The following FYB1 variants were observed in gnomAD, a reference collection of about 807,000 sequenced individuals.
FYB1 encodes FYN-binding protein 1.
FYB1 carries 41 observed loss-of-function variants against 94.1 expected under a neutral mutation model. The observed-to-expected ratio is 0.44, with a 90% CI of 0.34 to 0.57. FYB1 has a LOEUF of 0.57. Ranked by LOEUF, FYB1 falls within the 20% of genes least tolerant of loss-of-function variation. The probability of loss-of-function intolerance (pLI) is 0.02; values close to 1 mark genes in which losing one functional copy is unlikely to be tolerated. For synonymous variants in FYB1, 367 were observed against 353.2 expected, an observed-to-expected ratio of 1.04 and a Z score of -0.44; for missense variants, 1,050 against 976.8, an observed-to-expected ratio of 1.07 and a Z score of -1.00.
chr5:39,231,556 A>T (rs534537801), intron 1 of FYB1, among the ~76,000 whole-genome samples: 1 of 152,310 alleles, frequency 6.6e-6, no homozygotes, highest in African/African-American at 2.4e-5. Context: ...TAAACAGCCC[A>T]GTCATAAGAA....
At chr5:39,267,094 T>C (rs1343654421) in intron 1 of FYB1, among the ~76,000 whole-genome samples, 1 of 152,150 alleles carries the variant, frequency 6.6e-6, no homozygotes, top group Non-Finnish European at 1.5e-5. Context: ...TTTACTCAAC[T>C]AGAAAACAGG....
intron 10 of FYB1, among the ~76,000 whole-genome samples, 197 bp from the exon 11 acceptor site, chr5:39,128,004 G>A (rs1019580585): frequency 6.6e-6 from 1 of 152,032 alleles, no homozygotes; most frequent in Non-Finnish European, 1.5e-5. Context: ...ACAAAATGAG[G>A]GCTAAGAGGC....
intron 3 of FYB1, among the ~76,000 whole-genome samples, chr5:39,145,038 TAA>T (rs1742521320): frequency 6.6e-6 from 1 of 152,154 alleles, no homozygotes; most frequent in Admixed American, 6.5e-5. Flanking sequence ...CAAAATAATA[TAA>T]GAGGCAAGTG....
chr5:39,243,577 T>A (rs1436108653), intron 1 of FYB1, among the ~76,000 whole-genome samples: 4 of 152,306 alleles, frequency 2.6e-5, no homozygotes, highest in African/African-American at 9.6e-5. Context: ...GGTGGCGTGA[T>A]GCCTCCAGCT....
intron 1 of FYB1, among the ~76,000 whole-genome samples, chr5:39,259,622 G>T (rs563234077): frequency 6.6e-6 from 1 of 152,188 alleles, no homozygotes; most frequent in Non-Finnish European, 1.5e-5. Flanking sequence ...AATCATCCAT[G>T]AAATATACAG....
intron 2 of FYB1, among the ~76,000 whole-genome samples, chr5:39,159,836 C>T (rs1262867152): frequency 6.6e-6 from 1 of 152,206 alleles, no homozygotes; most frequent in East Asian, 1.9e-4. Flanking sequence ...GAAACATTCA[C>T]TAAGCACTTA....
chr5:39,108,056 G>A (rs1738691355), intron 18 of FYB1, among the ~76,000 whole-genome samples, 175 bp downstream of exon 18: 1 of 151,710 alleles, frequency 6.6e-6, no homozygotes, highest in African/African-American at 2.4e-5. Context: ...CCATCTTGTG[G>A]GAAATGCGGT....
At chr5:39,247,206 G>C (rs835184) in intron 1 of FYB1, among the ~76,000 whole-genome samples, 17 of 148,660 alleles carry the variant, frequency 1.1e-4, no homozygotes, top group African/African-American at 3.7e-4. Flanking sequence ...TCCTCAGAAG[G>C]GTGACTGGCA....
intron 2 of FYB1, among the ~76,000 whole-genome samples, chr5:39,170,532 C>T (rs1745157601): frequency 1.3e-5 from 2 of 152,150 alleles, no homozygotes; most frequent in Non-Finnish European, 2.9e-5. Context: ...GAAACTCATT[C>T]TAGATTCATC....
At chr5:39,270,436 A>G in intron 1 of FYB1, 1 of 721,296 alleles carries the variant, frequency 1.4e-6, no homozygotes, top group Non-Finnish European at 2.2e-6. Flanking sequence ...AGCACAAGGA[A>G]AAAGTGGCCA....
chr5:39,221,365 A>G (rs1750252629), upstream of FYB1, among the ~76,000 whole-genome samples: 1 of 152,212 alleles, frequency 6.6e-6, no homozygotes, highest in Non-Finnish European at 1.5e-5. Flanking sequence ...GATGGTTATA[A>G]AGAAGGGAAC....
chr5:39,227,124 C>T (rs1427932821), intron 1 of FYB1, among the ~76,000 whole-genome samples: 42 of 152,184 alleles, frequency 2.8e-4, no homozygotes, highest in Admixed American at 2.8e-3. Context: ...CACACACACT[C>T]ACATACGTTC....
chr5:39,251,220 T>C (rs1459960700), intron 1 of FYB1, among the ~76,000 whole-genome samples: 1 of 152,196 alleles, frequency 6.6e-6, no homozygotes, highest in African/African-American at 2.4e-5. Context: ...AGAAGTAGTG[T>C]TTAATCCTGA....
chr5:39,171,030 G>A (rs1341940143), intron 2 of FYB1, among the ~76,000 whole-genome samples: 1 of 152,176 alleles, frequency 6.6e-6, no homozygotes, highest in Admixed American at 6.5e-5. Flanking sequence ...ACTCACACCT[G>A]TAATCCCAGC....
chr5:39,173,467 C>T (rs10073231), intron 2 of FYB1, among the ~76,000 whole-genome samples: 148,996 of 152,234 alleles, frequency 0.98, 72,979 homozygotes, highest in Non-Finnish European at 1. Context: ...TTTGTTACTG[C>T]TGCAATTGCT....
In FYB1 at chr5:39,214,789, A is replaced by G. The variant is rs188911893; in HGVS notation, c.-28+4654T>C. Among the ~76,000 whole-genome samples the G allele has an allele frequency of 3.3e-4, 50 of 152,288 alleles. 1 individual carries two copies. In the East Asian group the frequency reaches 7.0e-3, roughly 21 times the overall value. On this transcript the variant is annotated intron_variant, in intron 1 of 18. Transcript: ENST00000512982. ...CTAAAAATACAAAAATTAGCCAGGCATGATGGTGCAAGCCTGTAATCCCAG... is the reference window on the plus strand; with the variant it reads ...CTAAAAATACAAAAATTAGCCAGGCGTGATGGTGCAAGCCTGTAATCCCAG...
chr5:39,243,319 A>G (rs1176159086), intron 1 of FYB1, among the ~76,000 whole-genome samples: 1 of 151,784 alleles, frequency 6.6e-6, no homozygotes, highest in Non-Finnish European at 1.5e-5. Context: ...ATTTTTGTAT[A>G]AGGTGTAAGG....
intron 1 of FYB1, among the ~76,000 whole-genome samples, chr5:39,247,025 A>G (rs969853798): frequency 1.4e-5 from 2 of 147,128 alleles, no homozygotes; most frequent in Non-Finnish European, 1.5e-5. Flanking sequence ...TTATGTTAAT[A>G]TGTGTAAAGC....
chr5:39,221,545 G>A (rs563213232), upstream of FYB1, among the ~76,000 whole-genome samples: 3 of 152,176 alleles, frequency 2.0e-5, no homozygotes, highest in South Asian at 2.1e-4. Context: ...AAATACCCAG[G>A]AATATGTAAT....
Sources: gnomAD v4.1 joint callset for allele counts (sites outside exome capture counted in the v4.1 genomes callset) on GRCh38, gnomAD v4.1.1 for gene constraint, MANE v1.5 for transcripts, NCBI Gene and HGNC (gene_info 2026-07-23, HGNC 2026-07-21) for gene names.